Variants in ZNF107 observed in about 807,000 individuals in gnomAD.
ZNF107 encodes the protein C2H2 type zinc-finger protein.
In ZNF107, 19 loss-of-function variants were observed where a neutral mutation model predicts 12.3. The ratio of observed to expected loss-of-function variants is 1.55; its 90% confidence interval spans 1.08 to 2.27. The LOEUF is 2.27. ZNF107 is among the 30% of genes most tolerant of loss of function. The pLI is 0.00. For missense variants in ZNF107, 958 were observed against 979.9 expected (o/e 0.98, Z 0.30); for synonymous variants, 317 against 330.5 (o/e 0.96, Z 0.44).
chr7:64,690,739 AT>A (rs1259181527), intron 1 of ZNF107, among the ~76,000 whole-genome samples: 3 of 151,216 alleles, frequency 2.0e-5, no homozygotes, highest in East Asian at 1.9e-4. Context: ...TATCCTATAC[AT>A]TTTTTTATTC....
intron 1 of ZNF107, chr7:64,686,996 G>A: frequency 1.0e-6 from 1 of 985,424 alleles, no homozygotes; most frequent in Non-Finnish European, 1.2e-6. Flanking sequence ...TCATACTGAG[G>A]GTAGCTGTGC....
intron 1 of ZNF107, among the ~76,000 whole-genome samples, chr7:64,673,199 G>A (rs1176663251): frequency 6.6e-5 from 10 of 151,978 alleles, no homozygotes; most frequent in East Asian, 1.9e-4. Flanking sequence ...GCCTGCCACC[G>A]TGCCTGGCTA....
At chr7:64,706,196 A>C in intron 3 of ZNF107, 128 bp from the exon 4 acceptor site, 1 of 870,956 alleles carries the variant, frequency 1.1e-6, no homozygotes, top group East Asian at 2.9e-5. Flanking sequence ...CTATGAAGAA[A>C]TTAGAGCCTG....
At chr7:64,691,984 C>T (rs998764159) in intron 3 of ZNF107, 24 bp downstream of exon 3, 1 of 1,391,328 alleles carries the variant, frequency 7.2e-7, no homozygotes. Flanking sequence ...AAAGTGAATA[C>T]AACAGATGAC....
At position 64,706,999 on chromosome 7, in the gene ZNF107, C is replaced by G; in HGVS notation, c.902C>G (p.Thr301Ser). 1 of 1,613,516 alleles carries G rather than the reference C, an allele frequency of 6.2e-7. No individual in the cohort carries two copies. Among genetic ancestry groups the G allele is most frequent in the Non-Finnish European group, 8.5e-7 (1 of 1,179,772 alleles). The change falls in exon 4 of 4, where the codon ACT becomes AGT. Residue 301 changes from threonine (T) to serine (S), a missense_variant. Physicochemically the swap from Thr to Ser is moderately conservative, Grantham distance 58. Coordinates refer to ENST00000620827, the MANE Select transcript of ZNF107 (RefSeq NM_001282359.2). ...GKVFSQSSHL[T>S]TQKILHTGEN... ...GTCTTTAGCCAGTCCTCACACCTTA[C>G]TACACAAAAGATACTTCACACTGGA...
chr7:64,692,498 C>T (rs984272353), intron 3 of ZNF107, among the ~76,000 whole-genome samples: 1 of 152,030 alleles, frequency 6.6e-6, no homozygotes, highest in African/African-American at 2.4e-5. Context: ...TTTGGCTCTT[C>T]AAAGTTTATT....
chr7:64,676,111 C>G (rs1363078194), intron 1 of ZNF107, among the ~76,000 whole-genome samples: 1 of 152,198 alleles, frequency 6.6e-6, no homozygotes, highest in Non-Finnish European at 1.5e-5. Flanking sequence ...CTCTTCCTCC[C>G]AAAGTGCTGG....
At position 64,706,400 on chromosome 7, in the gene ZNF107, A is replaced by G. The variant is rs1216083491; in HGVS notation, c.303A>G (p.Arg101=). Residue 101 remains arginine (R), a synonymous_variant, in exon 4 of 4, where the codon AGA becomes AGG. Coordinates refer to ENST00000620827, the MANE Select transcript of ZNF107 (RefSeq NM_001282359.2). ...IKDSFQKVTL[R]RYGKCEYENL... ...ATTCTTTCCAGAAAGTGACACTGAG[A>G]AGATACGGAAAATGTGAATATGAGA... 3.1e-6 allele frequency: 5 copies of G among 1,613,020 alleles called. No homozygotes were observed. Among genetic ancestry groups the G allele is most frequent in the Non-Finnish European group, 4.2e-6 (5 of 1,179,432 alleles).
At chr7:64,701,455 G>A (rs1400504571) in intron 3 of ZNF107, among the ~76,000 whole-genome samples, 1 of 150,530 alleles carries the variant, frequency 6.6e-6, no homozygotes, top group Admixed American at 6.6e-5. Context: ...TTTTCTAGTA[G>A]AGACAGGGTT....
chr7:64,695,931 G>A (rs1024172947), intron 3 of ZNF107, among the ~76,000 whole-genome samples: 1 of 152,046 alleles, frequency 6.6e-6, no homozygotes, highest in East Asian at 1.9e-4. Flanking sequence ...ATCTATTGAA[G>A]TGTACATTTC....
At chr7:64,680,492 A>G (rs1789615952) in intron 1 of ZNF107, among the ~76,000 whole-genome samples, 2 of 152,106 alleles carry the variant, frequency 1.3e-5, no homozygotes, top group African/African-American at 4.8e-5. Context: ...ATCAAACAGG[A>G]TCTCCTGGTA....
chr7:64,705,431 T>A (rs1300370993), intron 3 of ZNF107, among the ~76,000 whole-genome samples: 1 of 152,094 alleles, frequency 6.6e-6, no homozygotes, highest in African/African-American at 2.4e-5. Context: ...CAATTTACTT[T>A]AAAATTTTAA....
chr7:64,669,856 G>A (rs1455928015), intron 1 of ZNF107, among the ~76,000 whole-genome samples: 1 of 152,164 alleles, frequency 6.6e-6, no homozygotes, highest in Non-Finnish European at 1.5e-5. Flanking sequence ...AATTTTTAAA[G>A]CAGTTTCAAA....
At position 64,694,389 on chromosome 7, in the gene ZNF107, G is replaced by A. The variant is rs191266842; in HGVS notation, c.226+2429G>A. On this transcript the variant is annotated intron_variant, in intron 3 of 3. Transcript: ENST00000620827. The stretch of plus-strand genomic sequence containing the variant: ...TAGTTTGCCTCCTGAATAAGGACCC[G>A]CCTTCTGAAAAGGAACACTTCTCAA... Among the ~76,000 whole-genome samples, 771 of 152,264 alleles carry A rather than the reference G, an allele frequency of 5.1e-3. 1 individual carries two copies. Among genetic ancestry groups the A allele is most frequent in the African/African-American group, 0.018 (739 of 41,530 alleles).
In ZNF107 at chr7:64,708,352, A is replaced by C. The variant is rs1256937039; in HGVS notation, c.2255A>C (p.Lys752Thr). ...FNLSSTLTAHKKIHTGEKPYK... is the reference protein window; with the variant it reads ...FNLSSTLTAHTKIHTGEKPYK... ...CTATCCTCAACCCTTACTGCACATA[A>C]GAAAATTCATACTGGAGAGAAACCC... The change falls in exon 4 of 4, where the codon AAG (lysine) becomes ACG (threonine). Residue 752 changes from lysine to threonine, a missense_variant. Lys to Thr is a moderately conservative substitution (Grantham distance 78). Coordinates refer to ENST00000620827, the MANE Select transcript of ZNF107 (RefSeq NM_001282359.2). The C allele has an allele frequency of 1.2e-6, 2 of 1,613,354 alleles. No homozygotes were observed. The highest frequency in any genetic ancestry group is 8.5e-7 in the Non-Finnish European group (1 of 1,179,810).
At chr7:64,687,577 A>C in intron 1 of ZNF107, 3 of 985,092 alleles carry the variant, frequency 3.0e-6, no homozygotes, top group Non-Finnish European at 3.6e-6. Flanking sequence ...TAAGTTGCAA[A>C]ATTACCTTTT....
chr7:64,691,473 G>T, intron 2 of ZNF107, 99 bp downstream of exon 2: 6 of 1,067,150 alleles, frequency 5.6e-6, no homozygotes, highest in Non-Finnish European at 6.1e-6. Context: ...TTGCATAAAT[G>T]AGTTTCAGAT....
chr7:64,669,055 G>C (rs1789122096), intron 1 of ZNF107: 1 of 115,800 alleles, frequency 8.6e-6, no homozygotes, highest in South Asian at 2.9e-4. Flanking sequence ...TCGCTCTGTT[G>C]CTCAGGCTGA....
Position 64,707,748 on chromosome 7 carries a change from AC to A in ZNF107, c.1654del (p.Thr553LeufsTer33). 1 of 1,612,662 alleles carries A rather than the reference AC, an allele frequency of 6.2e-7. No homozygotes were observed. On this transcript the variant is annotated frameshift_variant, in exon 4 of 4. Transcript: ENST00000620827. LOFTEE classifies it low-confidence loss of function (END_TRUNC). Reference sequence around the variant, plus strand: ...TGGCAAAGCTTTTAACCGATTCTCAACCCTTACTAAACATAAGAGAATTCAT... The same window carrying A: ...TGGCAAAGCTTTTAACCGATTCTCAACCTTACTAAACATAAGAGAATTCAT... ...ECGKAFNRFSTLTKHKRIHTG... is the reference protein window; with the variant it reads ...ECGKAFNRFSXLTKHKRIHTG...
Sources: allele counts gnomAD v4.1 joint callset (sites outside exome capture counted in the v4.1 genomes callset), GRCh38; gene constraint gnomAD v4.1.1; transcripts MANE v1.5; gene names NCBI Gene and HGNC (gene_info 2026-07-23, HGNC 2026-07-21).